EFNA3: variants seen among roughly 807,000 people sequenced by gnomAD.
EFNA3 encodes the protein ephrin-A3.
A neutral mutation model predicts 25.0 loss-of-function variants in EFNA3; 15 were observed. The observed-to-expected ratio is 0.60, with a 90% CI of 0.40 to 0.92. EFNA3 has a LOEUF of 0.92. Ranked by LOEUF, EFNA3 falls within the 40% of genes least tolerant of loss-of-function variation. The pLI, the probability that EFNA3 is intolerant of heterozygous loss-of-function variation, is 0.00. For missense variants in EFNA3, 298 were observed against 323.8 expected (o/e 0.92, Z 0.61); for synonymous variants, 153 against 145.6 (o/e 1.05, Z -0.37).
At position 155,078,915 on chromosome 1, in the gene EFNA3, G is replaced by C; in HGVS notation, c.-27G>C. 1 of 1,376,198 alleles carries C rather than the reference G, an allele frequency of 7.3e-7. No homozygotes were observed. Among genetic ancestry groups the C allele is most frequent in the Non-Finnish European group, 9.4e-7 (1 of 1,066,348 alleles). 85.2% of individuals were successfully genotyped at this position (1,376,198 alleles called of 1,614,324 possible). ...AGCCGGGAGCGCGGGGCTCAGTCGG[G>C]GGGCGGCGGCGGCGGCGGCTCCGGG... is the stretch of plus-strand genomic sequence containing the variant. On this transcript the variant is annotated 5_prime_UTR_variant, in exon 1 of 5. Transcript: ENST00000368408.
chr1:155,078,947 G>C lies in EFNA3; in HGVS notation c.6G>C (p.Ala2=). 7.1e-7 allele frequency: 1 copy of C among 1,408,732 alleles called. No individual in the cohort carries two copies. The highest frequency in any genetic ancestry group is 9.3e-7 in the Non-Finnish European group (1 of 1,081,032). 87.3% of individuals were successfully genotyped at this position (1,408,732 alleles called of 1,614,324 possible). The change falls in exon 1 of 5, where the codon GCG becomes GCC. Residue 2 remains alanine (A), a synonymous_variant. Coordinates refer to ENST00000368408, the MANE Select transcript of EFNA3 (RefSeq NM_004952.5). The stretch of plus-strand genomic sequence containing the variant: ...CGGCGGCGGCGGCTCCGGGGATGGC[G>C]GCGGCTCCGCTGCTGCTGCTGCTGC... M[A]AAPLLLLLLL...
Position 155,086,508 on chromosome 1 carries a change from A to C in EFNA3, c.682A>C (p.Ile228Leu). The C allele has an allele frequency of 6.2e-7, 1 of 1,614,016 alleles. No individual in the cohort carries two copies. ...KREHLPLAVG[I>L]AFFLMTFLAS The stretch of plus-strand genomic sequence containing the variant: ...GGAACACCTGCCCCTGGCCGTGGGC[A>C]TCGCCTTCTTCCTCATGACGTTCTT... Residue 228 changes from isoleucine (I) to leucine (L), a missense_variant, in exon 5 of 5, where the codon ATC becomes CTC. By Grantham distance (5) the Ile-to-Leu change is conservative. Transcript: ENST00000368408.
chr1:155,085,149 T>G lies in EFNA3; in HGVS notation c.187T>G (p.Cys63Gly). Residue 63 changes from cysteine to glycine, a missense_variant, in exon 2 of 5, where the codon TGC becomes GGC. Cys to Gly is a radical substitution (Grantham distance 159). Transcript: ENST00000368408. This position sits in a 1 kb window ranked among gnomAD's most constrained non-coding sequence, Gnocchi z 4.4. ...VNVNDYLDIY[C>G]PHYNSSGVGP... ...CGTGAACGACTATCTGGATATTTAC[T>G]GCCCGCACTACAACAGCTCGGGGGT... 1 of 1,613,334 alleles carries G rather than the reference T, an allele frequency of 6.2e-7. No individual in the cohort carries two copies. The highest frequency in any genetic ancestry group is 8.5e-7 in the Non-Finnish European group (1 of 1,179,934).
At chr1:155,083,667 G>A (rs1002287683) in intron 1 of EFNA3, among the ~76,000 whole-genome samples, 3 of 152,234 alleles carry the variant, frequency 2.0e-5, no homozygotes, top group Non-Finnish European at 2.9e-5. Context: ...GTGGGGTCAG[G>A]GGGGAGGGAC....
chr1:155,079,415 G>T lies in EFNA3; in HGVS notation c.128+346G>T, dbSNP rs1457453787. 6.6e-6 allele frequency among the ~76,000 whole-genome samples: 1 copy of T among 152,176 alleles called. No individual in the cohort carries two copies. Among genetic ancestry groups the T allele is most frequent in the East Asian group, 1.9e-4 (1 of 5,176 alleles). Reference sequence around the variant, plus strand: ...GGTTTGGGGGTAGCGCTGTGCTGGGGATAGGCCGCTGCATTTTGGGGCCCA... The same window carrying T: ...GGTTTGGGGGTAGCGCTGTGCTGGGTATAGGCCGCTGCATTTTGGGGCCCA... On this transcript the variant is annotated intron_variant, in intron 1 of 4. Coordinates refer to ENST00000368408, the MANE Select transcript of EFNA3 (RefSeq NM_004952.5). The surrounding 1 kb of genome is among the most constrained non-coding windows in gnomAD (Gnocchi z 7.7).
intron 1 of EFNA3, among the ~76,000 whole-genome samples, chr1:155,082,452 C>T (rs1663360094): frequency 6.6e-6 from 1 of 152,218 alleles, no homozygotes; most frequent in South Asian, 2.1e-4. Context: ...TTCCCCGCTC[C>T]GCCCGCCTGC....
At position 155,078,853 on chromosome 1, in the gene EFNA3, C is replaced by G. The variant is rs930072531; in HGVS notation, c.-89C>G. The G allele has an allele frequency of 4.3e-5, 56 of 1,294,512 alleles. No homozygotes were observed. Among genetic ancestry groups the G allele is most frequent in the Admixed American group, 4.3e-4 (10 of 23,226 alleles). 80.2% of individuals were successfully genotyped at this position (1,294,512 alleles called of 1,614,324 possible). On this transcript the variant is annotated 5_prime_UTR_variant, in exon 1 of 5. Transcript: ENST00000368408. ...TGGGGGCGTGGCCTAAGGCTGGGGG[C>G]CGACGGCGGCGGCAGCAGGGAGCTG... is the stretch of plus-strand genomic sequence containing the variant.
At chr1:155,084,486 T>C (rs1013497277) in intron 1 of EFNA3, among the ~76,000 whole-genome samples, 3 of 152,252 alleles carry the variant, frequency 2.0e-5, no homozygotes, top group Non-Finnish European at 4.4e-5. Flanking sequence ...TATTTGTGCG[T>C]GTGCCATAGA....
rs974672932 is a variant in EFNA3 at position 155,078,969 on chromosome 1, C to A, written c.28C>A (p.Leu10Met). Residue 10 changes from leucine (L) to methionine (M), a missense_variant, in exon 1 of 5, where the codon CTG (leucine) becomes ATG (methionine). Leu to Met is a conservative substitution (Grantham distance 15). Transcript: ENST00000368408. Reference sequence around the variant, plus strand: ...GGCGGCGGCTCCGCTGCTGCTGCTGCTGCTGCTCGTGCCCGTGCCGCTGCT... The same window carrying A: ...GGCGGCGGCTCCGCTGCTGCTGCTGATGCTGCTCGTGCCCGTGCCGCTGCT... MAAAPLLLL[L>M]LLVPVPLLPL... The A allele has an allele frequency of 7.0e-7, 1 of 1,433,168 alleles. No homozygotes were observed. Among genetic ancestry groups the A allele is most frequent in the South Asian group, 1.5e-5 (1 of 68,428 alleles). 88.8% of individuals were successfully genotyped at this position (1,433,168 alleles called of 1,614,324 possible). A position where few individuals can be genotyped will look rare whatever the true frequency, so the allele number is the denominator to read the frequency against.
chr1:155,086,048 G>C, intron 3 of EFNA3, 80 bp from the exon 4 acceptor site: 1 of 1,570,022 alleles, frequency 6.4e-7, no homozygotes, highest in Non-Finnish European at 8.7e-7. Context: ...AGGGGGGCTT[G>C]CTCCCCAGCC....
rs1485284360 is a variant in EFNA3 at position 155,079,609 on chromosome 1, G to A, written c.128+540G>A. 6.6e-6 allele frequency among the ~76,000 whole-genome samples: 1 copy of A among 152,174 alleles called. No individual in the cohort carries two copies. Among genetic ancestry groups the A allele is most frequent in the Non-Finnish European group, 1.5e-5 (1 of 68,026 alleles). On this transcript the variant is annotated intron_variant, in intron 1 of 4. Coordinates refer to ENST00000368408, the MANE Select transcript of EFNA3 (RefSeq NM_004952.5). The surrounding 1 kb of genome is among the most constrained non-coding windows in gnomAD (Gnocchi z 7.7). ...GATAAGCCCGGCTAGGGTGAGCTAGGGCTGGGTCGCTGAGTTGGGGGGCCC... is the reference window on the plus strand; with the variant it reads ...GATAAGCCCGGCTAGGGTGAGCTAGAGCTGGGTCGCTGAGTTGGGGGGCCC...
At position 155,086,637 on chromosome 1, in the gene EFNA3, AC is replaced by A; in HGVS notation, c.*98del. ...TCCAAGGGAAGCCTAGTGGGCCTAG[AC>A]CCCTCCTCCCATGGCTAGAAGTGGG... On this transcript the variant is annotated 3_prime_UTR_variant, in exon 5 of 5. Transcript: ENST00000368408. 3 of 1,488,968 alleles carry A rather than the reference AC, an allele frequency of 2.0e-6. No homozygotes were observed. The highest frequency in any genetic ancestry group is 2.7e-6 in the Non-Finnish European group (3 of 1,105,702). 92.2% of individuals were successfully genotyped at this position (1,488,968 alleles called of 1,614,324 possible).
rs1663324308 is a variant in EFNA3 at position 155,080,598 on chromosome 1, T to A, written c.128+1529T>A. On this transcript the variant is annotated intron_variant, in intron 1 of 4. Coordinates refer to ENST00000368408, the MANE Select transcript of EFNA3 (RefSeq NM_004952.5). The surrounding 1 kb of genome is among the most constrained non-coding windows in gnomAD (Gnocchi z 7.0). ...GAGCTCGCAGGTGAGGGGCCCCGGG[T>A]TCCCCGCCACCCTTGGAGCACCTCA... Among the ~76,000 whole-genome samples, 1 of 151,546 alleles carries A rather than the reference T, an allele frequency of 6.6e-6. No homozygotes were observed. The highest frequency in any genetic ancestry group is 2.4e-5 in the African/African-American group (1 of 41,254).
Position 155,078,894 on chromosome 1 carries a change from G to T in EFNA3, c.-48G>T. ...CAGGGAGCTGGGAAGCGGAGAAGCCGGGAGCGCGGGGCTCAGTCGGGGGGC... is the reference window on the plus strand; with the variant it reads ...CAGGGAGCTGGGAAGCGGAGAAGCCTGGAGCGCGGGGCTCAGTCGGGGGGC... On this transcript the variant is annotated 5_prime_UTR_variant, in exon 1 of 5. Coordinates refer to ENST00000368408, the MANE Select transcript of EFNA3 (RefSeq NM_004952.5). The T allele has an allele frequency of 7.4e-7, 1 of 1,343,470 alleles. No individual in the cohort carries two copies. The allele number at this position is 1,343,470 out of a possible 1,614,324, so 83.2% of individuals were successfully genotyped here. A position where few individuals can be genotyped will look rare whatever the true frequency, so the allele number is the denominator to read the frequency against.
At chr1:155,082,497 G>A (rs1663361041) in intron 1 of EFNA3, among the ~76,000 whole-genome samples, 1 of 152,228 alleles carries the variant, frequency 6.6e-6, no homozygotes, top group Admixed American at 6.5e-5. Context: ...AGTGGAGCCA[G>A]GCGCGGGCCG....
chr1:155,084,136 C>T (rs1173592628), intron 1 of EFNA3, among the ~76,000 whole-genome samples: 1 of 152,248 alleles, frequency 6.6e-6, no homozygotes, highest in East Asian at 1.9e-4. Flanking sequence ...GCCCACTGCT[C>T]TGCCCAGCAT....
chr1:155,085,996 G>C lies in EFNA3; in HGVS notation c.508+54G>C. On this transcript the variant is annotated intron_variant, in intron 3 of 4. Coordinates refer to ENST00000368408, the MANE Select transcript of EFNA3 (RefSeq NM_004952.5). The surrounding 1 kb of genome is among the most constrained non-coding windows in gnomAD (Gnocchi z 4.4). ...CCCATCCTCAGCTCCCTGCTTTGGGGCTCCCCTGGCTTCCTGGGGGTGGGG... is the reference window on the plus strand; with the variant it reads ...CCCATCCTCAGCTCCCTGCTTTGGGCCTCCCCTGGCTTCCTGGGGGTGGGG... The C allele has an allele frequency of 6.3e-7, 1 of 1,579,472 alleles. No homozygotes were observed. Among genetic ancestry groups the C allele is most frequent in the Non-Finnish European group, 8.6e-7 (1 of 1,163,020 alleles).
Position 155,079,238 on chromosome 1 carries a change from G to C in EFNA3, c.128+169G>C, listed in dbSNP as rs1663295378. Among the ~76,000 whole-genome samples, 1 of 152,188 alleles carries C rather than the reference G, an allele frequency of 6.6e-6. No individual in the cohort carries two copies. Among genetic ancestry groups the C allele is most frequent in the Admixed American group, 6.5e-5 (1 of 15,292 alleles). ...CTCTGTGGGCGTCTAGGAAACTCGG[G>C]GGTGTCTGAAGAGGCTGTTGGGCTA... On this transcript the variant is annotated intron_variant, in intron 1 of 4. Transcript: ENST00000368408. The surrounding 1 kb of genome is among the most constrained non-coding windows in gnomAD (Gnocchi z 7.7).
At position 155,080,538 on chromosome 1, in the gene EFNA3, G is replaced by T. The variant is rs915829254; in HGVS notation, c.128+1469G>T. On this transcript the variant is annotated intron_variant, in intron 1 of 4. Transcript: ENST00000368408. This position sits in a 1 kb window ranked among gnomAD's most constrained non-coding sequence, Gnocchi z 7.0. ...CCCCCTCCCCCAGACTCACACGTCCGCCCCCCACCCCGCTAGAGTCTGGCG... is the reference window on the plus strand; with the variant it reads ...CCCCCTCCCCCAGACTCACACGTCCTCCCCCCACCCCGCTAGAGTCTGGCG... 1.3e-5 allele frequency among the ~76,000 whole-genome samples: 2 copies of T among 152,100 alleles called. No homozygotes were observed. The highest frequency in any genetic ancestry group is 2.4e-5 in the African/African-American group (1 of 41,446).
Sources: gnomAD v4.1 joint callset for allele counts (sites outside exome capture counted in the v4.1 genomes callset) on GRCh38, gnomAD v4.1.1 for gene constraint, Gnocchi (gnomAD v3.1) non-coding constraint, MANE v1.5 for transcripts, NCBI Gene and HGNC (gene_info 2026-07-23, HGNC 2026-07-21) for gene names.